B3GALT9: variants seen among roughly 807,000 people sequenced by gnomAD.
The protein encoded by B3GALT9 is UDP-GlcNAc:betaGal beta-1,3-N-acetylglucosaminyltransferase 10 (putative).
Position 120,798,956 on chromosome 9 carries a change from G to C in B3GALT9, c.388G>C (p.Val130Leu), listed in dbSNP as rs1402848495. ...GTTTGCTCTGGGAATGCCTGTTTCG[G>C]TAACTACCCAGAAAGAGATCAACAA... is the stretch of plus-strand genomic sequence containing the variant. ...TLFALGMPVS[V>L]TTQKEINKES... The change falls in exon 3 of 3, where the codon GTA (valine) becomes CTA (leucine). Residue 130 changes from valine to leucine, a missense_variant. Val to Leu is a conservative substitution (Grantham distance 32, BLOSUM62 1). Transcript: ENST00000689072. The C allele has an allele frequency of 2.5e-6, 1 of 399,002 alleles. No individual in the cohort carries two copies. Among genetic ancestry groups the C allele is most frequent in the Non-Finnish European group, 4.4e-6 (1 of 226,072 alleles). The allele number at this position is 399,002 out of a possible 1,614,324, so 24.7% of individuals were successfully genotyped here.
chr9:120,797,458 A>G (rs529812999), intron 2 of B3GALT9, among the ~76,000 whole-genome samples: 2 of 151,930 alleles, frequency 1.3e-5, no homozygotes, highest in South Asian at 4.2e-4. Context: ...GTGAGCCAAG[A>G]TCGCACCACT....
intron 1 of B3GALT9, among the ~76,000 whole-genome samples, chr9:120,794,506 T>TTGTGTGTGTG (rs10589412): frequency 1.5e-4 from 22 of 142,172 alleles, no homozygotes; most frequent in African/African-American, 4.8e-4. Flanking sequence ...GCCCAGCTAG[T>TTGTGTGTGTG]TGTGTGTGTG....
rs1588059759 is a variant in B3GALT9, at chr9:120,799,431, G to A, written c.863G>A (p.Ser288Asn). 1.8e-5 allele frequency: 7 copies of A among 399,204 alleles called. No homozygotes were observed. In the East Asian group the frequency reaches 2.5e-4, roughly 14 times the overall value. The allele number at this position is 399,204 out of a possible 1,614,324, so 24.7% of individuals were successfully genotyped here. A position where few individuals can be genotyped will look rare whatever the true frequency, so the allele number is the denominator to read the frequency against. Residue 288 changes from serine to asparagine, a missense_variant, in exon 3 of 3, where the codon AGC becomes AAC. Coordinates refer to ENST00000689072, the MANE Select transcript of B3GALT9 (RefSeq NM_001386823.1). ...AKFIGLIPIHSSRFSGKRHIR... is the reference protein window; with the variant it reads ...AKFIGLIPIHNSRFSGKRHIR... ...TTCATTGGCCTTATACCCATCCACAGCTCAAGGTTTTCTGGGAAAAGGCAC... is the reference window on the plus strand; with the variant it reads ...TTCATTGGCCTTATACCCATCCACAACTCAAGGTTTTCTGGGAAAAGGCAC...
chr9:120,797,908 A>G (rs895947802), intron 2 of B3GALT9, among the ~76,000 whole-genome samples: 8 of 152,222 alleles, frequency 5.3e-5, no homozygotes, highest in Non-Finnish European at 1.0e-4. Context: ...GCCTAGGTCT[A>G]TCTTACATCT....
At chr9:120,794,461 C>T (rs1369646052) in intron 1 of B3GALT9, among the ~76,000 whole-genome samples, 1 of 151,900 alleles carries the variant, frequency 6.6e-6, no homozygotes, top group Non-Finnish European at 1.5e-5. Context: ...ACCTCAGCCT[C>T]CTGAGTAGAA....
intron 1 of B3GALT9, among the ~76,000 whole-genome samples, chr9:120,794,342 C>CT (rs113250464): frequency 0.038 from 5,572 of 144,838 alleles, 289 homozygotes; most frequent in African/African-American, 0.12. Flanking sequence ...ACAAGTTATC[C>CT]TTTTTTTTTT....
rs1419366317 is a variant in B3GALT9, at chr9:120,801,776, G to A, written c.*2098G>A. 6.6e-6 allele frequency among the ~76,000 whole-genome samples: 1 copy of A among 152,060 alleles called. No individual in the cohort carries two copies. The highest frequency in any genetic ancestry group is 1.5e-5 in the Non-Finnish European group (1 of 67,984). On this transcript the variant is annotated 3_prime_UTR_variant, in exon 3 of 3. Coordinates refer to ENST00000689072, the MANE Select transcript of B3GALT9 (RefSeq NM_001386823.1). ...TAAAATAAAATAAATAAAGTGATTT[G>A]CTTTCATGCTATTGTGTTGTTTGAG...
chr9:120,796,293 A>G (rs759499808), intron 1 of B3GALT9, 130 bp from the exon 2 acceptor site: 3 of 152,248 alleles, frequency 2.0e-5, no homozygotes, highest in Non-Finnish European at 4.4e-5. Context: ...CCAGGAACTC[A>G]GCATAAAGAC....
chr9:120,797,298 G>A (rs1031882340), intron 2 of B3GALT9, among the ~76,000 whole-genome samples: 2 of 152,028 alleles, frequency 1.3e-5, no homozygotes, highest in Non-Finnish European at 2.9e-5. Flanking sequence ...CTGAGATCAG[G>A]AGTTTGAAAC....
chr9:120,799,710 T>C lies in B3GALT9; in HGVS notation c.*32T>C, dbSNP rs1588059820. 5 of 398,524 alleles carry C rather than the reference T, an allele frequency of 1.3e-5. No homozygotes were observed. The East Asian group carries it at 1.4e-4, about 11-fold the overall frequency. 24.7% of individuals were successfully genotyped at this position (398,524 alleles called of 1,614,324 possible). A position where few individuals can be genotyped will look rare whatever the true frequency, so the allele number is the denominator to read the frequency against. ...TTTAATTTTCCTTATGAGTCTACTATTTTAAAGTTACCTTCTACCCTGTTA... is the reference window on the plus strand; with the variant it reads ...TTTAATTTTCCTTATGAGTCTACTACTTTAAAGTTACCTTCTACCCTGTTA... On this transcript the variant is annotated 3_prime_UTR_variant, in exon 3 of 3. Coordinates refer to ENST00000689072, the MANE Select transcript of B3GALT9 (RefSeq NM_001386823.1).
chr9:120,800,996 A>G lies in B3GALT9; in HGVS notation c.*1318A>G, dbSNP rs1340440419. On this transcript the variant is annotated 3_prime_UTR_variant, in exon 3 of 3. Coordinates refer to ENST00000689072, the MANE Select transcript of B3GALT9 (RefSeq NM_001386823.1). ...TGTCCTTCAATGCCTGGTTTATTTCATGTAACATAATGCACTCCAGGTTCA... is the reference window on the plus strand; with the variant it reads ...TGTCCTTCAATGCCTGGTTTATTTCGTGTAACATAATGCACTCCAGGTTCA... 2.6e-5 allele frequency among the ~76,000 whole-genome samples: 4 copies of G among 152,196 alleles called. No individual in the cohort carries two copies. Among genetic ancestry groups the G allele is most frequent in the Admixed American group, 6.5e-5 (1 of 15,272 alleles).
In B3GALT9 at chr9:120,800,177, G is replaced by T. The variant is rs997957866; in HGVS notation, c.*499G>T. 6.6e-6 allele frequency among the ~76,000 whole-genome samples: 1 copy of T among 151,614 alleles called. No homozygotes were observed. The highest frequency in any genetic ancestry group is 1.5e-5 in the Non-Finnish European group (1 of 67,910). On this transcript the variant is annotated 3_prime_UTR_variant, in exon 3 of 3. Transcript: ENST00000689072. ...CTGTCGCCCAGGCTGGAGTGCAATG[G>T]CACCATCTCTGTTCACTGCAACCTC...
In B3GALT9 at chr9:120,800,952, G is replaced by A. The variant is rs1033270937; in HGVS notation, c.*1274G>A. ...GAGTTTTTTTACACTCCACATATAA[G>A]TGAGCTCATGTGCTTATTTGTCCTT... On this transcript the variant is annotated 3_prime_UTR_variant, in exon 3 of 3. Coordinates refer to ENST00000689072, the MANE Select transcript of B3GALT9 (RefSeq NM_001386823.1). Among the ~76,000 whole-genome samples the A allele has an allele frequency of 6.6e-6, 1 of 152,132 alleles. No individual in the cohort carries two copies. Among genetic ancestry groups the A allele is most frequent in the Non-Finnish European group, 1.5e-5 (1 of 68,032 alleles).
chr9:120,798,733 A>G lies in B3GALT9; in HGVS notation c.165A>G (p.Ala55=), dbSNP rs929631332. Residue 55 remains alanine (A), a synonymous_variant, in exon 3 of 3, where the codon GCA becomes GCG. Coordinates refer to ENST00000689072, the MANE Select transcript of B3GALT9 (RefSeq NM_001386823.1). ...DVKVLEIKNK[A]RKLNIEPLRS... is the part of the protein sequence containing the mutation. ...AAGTTCTTGAAATTAAGAATAAGGC[A>G]AGAAAATTGAACATCGAACCCCTAA... The G allele has an allele frequency of 5.0e-6, 2 of 399,036 alleles. No individual in the cohort carries two copies. Among genetic ancestry groups the G allele is most frequent in the African/African-American group, 4.1e-5 (2 of 48,648 alleles). The allele number at this position is 399,036 out of a possible 1,614,324, so 24.7% of individuals were successfully genotyped here.
chr9:120,801,607 G>A lies in B3GALT9; in HGVS notation c.*1929G>A, dbSNP rs1186454101. Among the ~76,000 whole-genome samples the A allele has an allele frequency of 6.6e-6, 1 of 152,180 alleles. No individual in the cohort carries two copies. Among genetic ancestry groups the A allele is most frequent in the Non-Finnish European group, 1.5e-5 (1 of 68,032 alleles). ...TACAAAAAATTAGCTGGACCCGGTG[G>A]TACGTGCCTGTAATCCCAGCTACGC... On this transcript the variant is annotated 3_prime_UTR_variant, in exon 3 of 3. Transcript: ENST00000689072.
chr9:120,793,830 A>C lies in B3GALT9; in HGVS notation c.-274A>C, dbSNP rs1370709706. On this transcript the variant is annotated 5_prime_UTR_variant, in exon 1 of 3. Transcript: ENST00000689072. ...AGGGGATAGGGTTAGTGAACAAAAA[A>C]CGCAAAAGCCCCTGACCGCCTGGGC... is the stretch of plus-strand genomic sequence containing the variant. The C allele has an allele frequency of 7.6e-6, 3 of 392,868 alleles. No homozygotes were observed. Among genetic ancestry groups the C allele is most frequent in the African/African-American group, 6.2e-5 (3 of 48,486 alleles). 24.3% of individuals were successfully genotyped at this position (392,868 alleles called of 1,614,324 possible). A position where few individuals can be genotyped will look rare whatever the true frequency, so the allele number is the denominator to read the frequency against.
rs5900461 is a variant in B3GALT9 at position 120,799,950 on chromosome 9, G to GTT, written c.*283_*284dup. ...ATGTTTCATTGTTTATTTAGTTTTC[G>GTT]TTTTTTTTTTTTCTTTTGAGACAGG... On this transcript the variant is annotated 3_prime_UTR_variant, in exon 3 of 3. Transcript: ENST00000689072. The GTT allele has an allele frequency of 0.026, 4,431 of 170,152 alleles. 1 individual carries two copies. The highest frequency in any genetic ancestry group is 0.06 in the East Asian group (402 of 6,654). 10.5% of individuals were successfully genotyped at this position (170,152 alleles called of 1,614,324 possible). A position where few individuals can be genotyped will look rare whatever the true frequency, so the allele number is the denominator to read the frequency against.
chr9:120,799,035 A>C lies in B3GALT9; in HGVS notation c.467A>C (p.Glu156Ala). The change falls in exon 3 of 3, where the codon GAG (glutamate) becomes GCG (alanine). Residue 156 changes from glutamate (E) to alanine (A), a missense_variant. Glu to Ala is a moderately radical substitution (Grantham distance 107). Transcript: ENST00000689072. ...IIEGIFLDSS[E>A]NQTLKIIAMI... Reference sequence around the variant, plus strand: ...GAAGGAATCTTCTTGGACAGTTCTGAGAACCAAACCCTGAAGATCATTGCA... The same window carrying C: ...GAAGGAATCTTCTTGGACAGTTCTGCGAACCAAACCCTGAAGATCATTGCA... 2.5e-6 allele frequency: 1 copy of C among 399,130 alleles called. No homozygotes were observed. 24.7% of individuals were successfully genotyped at this position (399,130 alleles called of 1,614,324 possible).
chr9:120,797,133 G>A (rs1354713516), intron 2 of B3GALT9, among the ~76,000 whole-genome samples: 1 of 149,902 alleles, frequency 6.7e-6, no homozygotes, highest in Non-Finnish European at 1.5e-5. Context: ...AAGAGAGAAA[G>A]AAAGAGAAAG....
Sources: gnomAD v4.1 joint callset for allele counts (sites outside exome capture counted in the v4.1 genomes callset) on GRCh38, gnomAD v4.1.1 for gene constraint, MANE v1.5 for transcripts, NCBI Gene and HGNC (gene_info 2026-07-23, HGNC 2026-07-21) for gene names.